NFIX: variants seen among roughly 807,000 people sequenced by gnomAD.
NFIX encodes the protein nuclear factor I X.
In NFIX, 2 loss-of-function variants were observed where a neutral mutation model predicts 53.3. The observed-to-expected ratio is 0.04, with a 90% CI of 0.02 to 0.12. NFIX has a LOEUF of 0.12. Ranked by LOEUF, NFIX falls within the 10% of genes least tolerant of loss-of-function variation. NFIX has a pLI of 1.00. For missense variants in NFIX, 310 were observed against 674.5 expected (o/e 0.46, Z 5.99); for synonymous variants, 244 against 289.0 (o/e 0.84, Z 1.58).
Position 13,012,566 on chromosome 19 carries a change from T to G in NFIX, c.28-12455T>G, listed in dbSNP as rs1179941585. ...GGGCTCCGATGTCGGCATTTTTGCC[T>G]TAAGGCTAGTTTGTCCCCCAGGCGC... On this transcript the variant is annotated intron_variant, in intron 1 of 10. Transcript: ENST00000592199. This position sits in a 1 kb window ranked among gnomAD's most constrained non-coding sequence, Gnocchi z 5.0. Among the ~76,000 whole-genome samples, 6 of 152,140 alleles carry G rather than the reference T, an allele frequency of 3.9e-5. No individual in the cohort carries two copies. Among genetic ancestry groups the G allele is most frequent in the Non-Finnish European group, 4.4e-5 (3 of 68,016 alleles).
At chr19:13,059,305 G>A (rs565992454) in intron 2 of NFIX, among the ~76,000 whole-genome samples, 104 of 152,244 alleles carry the variant, frequency 6.8e-4, no homozygotes, top group African/African-American at 2.5e-3. Flanking sequence ...TGCGCCTGTC[G>A]CCTCTCCCCT....
Position 13,061,020 on chromosome 19 carries a change from C to T in NFIX, c.560-12027C>T, listed in dbSNP as rs149773948. 6.0e-4 allele frequency among the ~76,000 whole-genome samples: 92 copies of T among 152,268 alleles called. 3 individuals carry two copies. In the East Asian group the frequency reaches 0.012, roughly 20 times the overall value. On this transcript the variant is annotated intron_variant, in intron 2 of 10. Coordinates refer to ENST00000592199, the MANE Select transcript of NFIX (RefSeq NM_001365902.3). ...TACCAATTGCAGAGACAAGTCTGCA[C>T]TGCCAAAAGGTGAGGGCATCCTGGG...
At chr19:13,035,309 C>A (rs1184246632) in intron 2 of NFIX, among the ~76,000 whole-genome samples, 1 of 152,224 alleles carries the variant, frequency 6.6e-6, no homozygotes, top group African/African-American at 2.4e-5. Flanking sequence ...AGTTTGGGGG[C>A]TTTCCCCTTT....
Position 13,029,018 on chromosome 19 carries a change from G to T in NFIX, c.559+3466G>T, listed in dbSNP as rs115978832. Among the ~76,000 whole-genome samples, 757 of 152,260 alleles carry T rather than the reference G, an allele frequency of 5.0e-3. 7 individuals are homozygous for T. The highest frequency in any genetic ancestry group is 0.018 in the African/African-American group (732 of 41,548). On this transcript the variant is annotated intron_variant, in intron 2 of 10. Coordinates refer to ENST00000592199, the MANE Select transcript of NFIX (RefSeq NM_001365902.3). ...TCACCCTGTCAGATCCCTCCTGTGC[G>T]CCTGCAGCGGAATCCCCACGAAGTC...
At position 13,081,597 on chromosome 19, in the gene NFIX, G is replaced by C; in HGVS notation, c.1079-83G>C. 1.4e-6 allele frequency: 2 copies of C among 1,440,936 alleles called. No individual in the cohort carries two copies. The highest frequency in any genetic ancestry group is 1.4e-5 in the African/African-American group (1 of 71,494). The allele number at this position is 1,440,936 out of a possible 1,614,324, so 89.3% of individuals were successfully genotyped here. A position where few individuals can be genotyped will look rare whatever the true frequency, so the allele number is the denominator to read the frequency against. The stretch of plus-strand genomic sequence containing the variant: ...TCAGGATCCTCAGGACCCTCTGACC[G>C]GCAGCTCCCCTCCTCTCCTGTCCCT... On this transcript the variant is annotated intron_variant, in intron 7 of 10. Transcript: ENST00000592199. This position sits in a 1 kb window ranked among gnomAD's most constrained non-coding sequence, Gnocchi z 4.7.
intron 1 of NFIX, among the ~76,000 whole-genome samples, chr19:13,007,218 G>A (rs796920125): frequency 4.0e-5 from 6 of 150,866 alleles, no homozygotes; most frequent in African/African-American, 1.5e-4. Context: ...CAAACCCGCC[G>A]CCATCGTTGG....
chr19:13,027,875 G>C lies in NFIX; in HGVS notation c.559+2323G>C, dbSNP rs534205355. On this transcript the variant is annotated intron_variant, in intron 2 of 10. Coordinates refer to ENST00000592199, the MANE Select transcript of NFIX (RefSeq NM_001365902.3). The surrounding 1 kb of genome is among the most constrained non-coding windows in gnomAD (Gnocchi z 4.3). ...CTACAAAAGCAGAGTAGGGAACTAA[G>C]GGTGTATTTTATATCATTCAGGCCC... 3.3e-5 allele frequency among the ~76,000 whole-genome samples: 5 copies of C among 152,342 alleles called. No homozygotes were observed. In the South Asian group the frequency reaches 6.2e-4, roughly 19 times the overall value.
chr19:13,085,503 A>C (rs1227755784), intron 8 of NFIX, among the ~76,000 whole-genome samples: 1 of 152,138 alleles, frequency 6.6e-6, no homozygotes, highest in African/African-American at 2.4e-5. Context: ...AGGCATGGAG[A>C]TGAGGGGAGG....
At chr19:13,054,040 G>A (rs1326635180) in intron 2 of NFIX, among the ~76,000 whole-genome samples, 1 of 152,004 alleles carries the variant, frequency 6.6e-6, no homozygotes, top group Non-Finnish European at 1.5e-5. Flanking sequence ...TCCCAGCTTC[G>A]TGGTCAGCTC....
intron 1 of NFIX, among the ~76,000 whole-genome samples, chr19:13,015,711 A>G (rs981870536): frequency 2.0e-5 from 3 of 152,026 alleles, no homozygotes; most frequent in African/African-American, 4.8e-5. Flanking sequence ...TCCCCCATAC[A>G]TGCCCTGTTA....
In NFIX at chr19:13,093,856, G is replaced by A. The variant is rs1423629245; in HGVS notation, c.1495-779G>A. 2.0e-5 allele frequency among the ~76,000 whole-genome samples: 3 copies of A among 152,186 alleles called. No homozygotes were observed. Among genetic ancestry groups the A allele is most frequent in the Non-Finnish European group, 4.4e-5 (3 of 68,032 alleles). On this transcript the variant is annotated intron_variant, in intron 10 of 10. Transcript: ENST00000592199. This position sits in a 1 kb window ranked among gnomAD's most constrained non-coding sequence, Gnocchi z 4.7. ...GGGGCTGGAGCCTTGGATGGAGGGC[G>A]TAGCCAAGCAGCCCAGACCCTTGGG...
Position 13,067,497 on chromosome 19 carries a change from T to C in NFIX, c.560-5550T>C, listed in dbSNP as rs1380088854. 6.6e-6 allele frequency among the ~76,000 whole-genome samples: 1 copy of C among 151,632 alleles called. No individual in the cohort carries two copies. The highest frequency in any genetic ancestry group is 1.5e-5 in the Non-Finnish European group (1 of 67,868). On this transcript the variant is annotated intron_variant, in intron 2 of 10. Coordinates refer to ENST00000592199, the MANE Select transcript of NFIX (RefSeq NM_001365902.3). The surrounding 1 kb of genome is among the most constrained non-coding windows in gnomAD (Gnocchi z 4.2). ...GTGTGTGTGTGCGTGTGTGTGTGTG[T>C]GTGTGTGTATGTGTGTGTCTGAGTC...
rs756027790 is a variant in NFIX at position 13,078,604 on chromosome 19, TC to T, written c.956-3del. On this transcript the variant is annotated splice_region_variant and splice_polypyrimidine_tract_variant and intron_variant, in intron 6 of 10. Transcript: ENST00000592199. This position sits in a 1 kb window ranked among gnomAD's most constrained non-coding sequence, Gnocchi z 4.7. The stretch of plus-strand genomic sequence containing the variant: ...AAACCTGCCCTGTGTTGCTGCTTCC[TC>T]CCCCCAGGCCCGGCTTCTCTAAAGA... 2.1e-5 allele frequency: 33 copies of T among 1,595,586 alleles called. No individual in the cohort carries two copies. The highest frequency in any genetic ancestry group is 1.7e-4 in the Middle Eastern group (1 of 5,986).
chr19:13,084,227 C>A (rs900722385), intron 8 of NFIX, among the ~76,000 whole-genome samples: 2 of 151,992 alleles, frequency 1.3e-5, no homozygotes, highest in African/African-American at 4.8e-5. Context: ...AGATGATTGC[C>A]TGAGCTCAGG....
In NFIX at chr19:13,045,503, T is replaced by C. The variant is rs2014928555; in HGVS notation, c.559+19951T>C. 6.6e-6 allele frequency among the ~76,000 whole-genome samples: 1 copy of C among 151,906 alleles called. No homozygotes were observed. Among genetic ancestry groups the C allele is most frequent in the Non-Finnish European group, 1.5e-5 (1 of 67,954 alleles). On this transcript the variant is annotated intron_variant, in intron 2 of 10. Coordinates refer to ENST00000592199, the MANE Select transcript of NFIX (RefSeq NM_001365902.3). The surrounding 1 kb of genome is among the most constrained non-coding windows in gnomAD (Gnocchi z 4.4). ...TATCTAGCCCCAGCATGAGGGGTAATGAGGTTGAGAAACCCTGACTGAGGC... is the reference window on the plus strand; with the variant it reads ...TATCTAGCCCCAGCATGAGGGGTAACGAGGTTGAGAAACCCTGACTGAGGC...
intron 2 of NFIX, among the ~76,000 whole-genome samples, chr19:13,026,136 G>T (rs999752429): frequency 6.6e-6 from 1 of 152,194 alleles, no homozygotes; most frequent in African/African-American, 2.4e-5. Flanking sequence ...AAATACTCAG[G>T]CGGGAGCTGT....
At chr19:13,017,149 G>T (rs890644988) in intron 1 of NFIX, among the ~76,000 whole-genome samples, 3 of 152,160 alleles carry the variant, frequency 2.0e-5, no homozygotes, top group African/African-American at 7.2e-5. Context: ...TGTTGGAGCT[G>T]AAGGACGCAG....
At chr19:13,064,444 CCT>C (rs1172590078) in intron 2 of NFIX, among the ~76,000 whole-genome samples, 1 of 152,234 alleles carries the variant, frequency 6.6e-6, no homozygotes, top group Non-Finnish European at 1.5e-5. Context: ...CTCCCTTTTC[CCT>C]GTTGGCCCTC....
In NFIX at chr19:13,045,394, G is replaced by A. The variant is rs118103814; in HGVS notation, c.559+19842G>A. On this transcript the variant is annotated intron_variant, in intron 2 of 10. Coordinates refer to ENST00000592199, the MANE Select transcript of NFIX (RefSeq NM_001365902.3). This position sits in a 1 kb window ranked among gnomAD's most constrained non-coding sequence, Gnocchi z 4.4. ...TTTTGGTTGTCACTACTTGGGATGG[G>A]GTTGCTACTGGCATCTCGTGGGTGG... Among the ~76,000 whole-genome samples the A allele has an allele frequency of 0.025, 3,789 of 152,200 alleles. 56 individuals are homozygous for A. Among genetic ancestry groups the A allele is most frequent in the Non-Finnish European group, 0.036 (2,457 of 67,998 alleles).
Sources: gnomAD v4.1 joint callset for allele counts (sites outside exome capture counted in the v4.1 genomes callset) on GRCh38, gnomAD v4.1.1 for gene constraint, Gnocchi (gnomAD v3.1) non-coding constraint, MANE v1.5 for transcripts, NCBI Gene and HGNC (gene_info 2026-07-23, HGNC 2026-07-21) for gene names.